The following CFAP61 variants were observed in gnomAD, a reference collection of about 807,000 sequenced individuals.
The protein encoded by CFAP61 is cilia and flagella associated protein 61.
Under a neutral mutation model 135.6 loss-of-function variants are expected in CFAP61, and 107 were observed. That is an observed-to-expected ratio of 0.79 (90% CI 0.67 to 0.93). The LOEUF (loss-of-function observed/expected upper bound fraction) is 0.93. CFAP61 is among the 40% of genes least tolerant of loss of function. CFAP61 has a pLI of 0.00. For synonymous variants in CFAP61, 575 were observed against 578.5 expected (o/e 0.99, Z 0.09); for missense variants, 1,507 against 1,556.2 (o/e 0.97, Z 0.53).
chr20:20,177,569 A>G (rs2054727858), intron 13 of CFAP61, among the ~76,000 whole-genome samples: 1 of 151,638 alleles, frequency 6.6e-6, no homozygotes, highest in Non-Finnish European at 1.5e-5. Flanking sequence ...AAGCCCCCTC[A>G]TTCATCCAGT....
Position 20,098,711 on chromosome 20 carries a change from G to T in CFAP61, c.756G>T (p.Leu252=). ...MSVCSRVNMQ[L]LHECFDLGPF... is the part of the protein sequence containing the mutation. ...TGTGCTCAAGAGTGAACATGCAACT[G>T]CTGCATGAGTGCTTTGACTTGGGCC... Residue 252 remains leucine, a synonymous_variant, in exon 8 of 27, where the codon CTG becomes CTT. Transcript: ENST00000245957. 1 of 1,613,580 alleles carries T rather than the reference G, an allele frequency of 6.2e-7. No individual in the cohort carries two copies. Among genetic ancestry groups the T allele is most frequent in the Non-Finnish European group, 8.5e-7 (1 of 1,179,924 alleles).
At chr20:20,355,908 G>A (rs1276685836) in intron 26 of CFAP61, among the ~76,000 whole-genome samples, 2 of 143,566 alleles carry the variant, frequency 1.4e-5, no homozygotes, top group Admixed American at 1.4e-4. Context: ...AGGGGAGGTG[G>A]TCACACTGAG....
intron 25 of CFAP61, among the ~76,000 whole-genome samples, chr20:20,300,980 T>G (rs1472607740): frequency 6.6e-6 from 1 of 152,098 alleles, no homozygotes; most frequent in Non-Finnish European, 1.5e-5. Context: ...GATTATAAAG[T>G]AAAAAGAGTA....
At chr20:20,179,774 A>C (rs1218542891) in intron 13 of CFAP61, among the ~76,000 whole-genome samples, 1 of 152,190 alleles carries the variant, frequency 6.6e-6, no homozygotes, top group East Asian at 1.9e-4. Context: ...AAAGCAGTGG[A>C]AAAAGGATTC....
intron 20 of CFAP61, among the ~76,000 whole-genome samples, chr20:20,252,645 G>A (rs942616844): frequency 6.6e-6 from 1 of 152,090 alleles, no homozygotes; most frequent in Non-Finnish European, 1.5e-5. Flanking sequence ...GTGTGGCTCA[G>A]GGAAGCCAAA....
chr20:20,166,565 G>T, intron 12 of CFAP61, 129 bp downstream of exon 12: 2 of 686,222 alleles, frequency 2.9e-6, no homozygotes, highest in Non-Finnish European at 5.0e-6. Flanking sequence ...CAAATGGCAT[G>T]TCATGAGCTC....
chr20:20,315,197 T>C (rs986143268), intron 25 of CFAP61, among the ~76,000 whole-genome samples: 18 of 152,156 alleles, frequency 1.2e-4, no homozygotes, highest in Admixed American at 5.2e-4. Flanking sequence ...CTCCAGCACC[T>C]GTTATTTCCT....
chr20:20,304,526 C>A (rs2056337853), intron 25 of CFAP61, among the ~76,000 whole-genome samples: 1 of 151,678 alleles, frequency 6.6e-6, no homozygotes, highest in South Asian at 2.1e-4. Context: ...CACGTGTGCA[C>A]ACACTCATGC....
chr20:20,163,908 C>G (rs1488405107), intron 10 of CFAP61, 142 bp from the exon 11 acceptor site: 10 of 551,860 alleles, frequency 1.8e-5, no homozygotes, highest in Non-Finnish European at 3.0e-5. Context: ...TAAAACCAGG[C>G]CTGGCCCAGG....
intron 10 of CFAP61, among the ~76,000 whole-genome samples, chr20:20,161,703 C>T (rs914862455): frequency 1.3e-5 from 2 of 152,060 alleles, no homozygotes; most frequent in Non-Finnish European, 2.9e-5. Flanking sequence ...TCAGCCACAC[C>T]CCAAGTGAGA....
chr20:20,104,308 T>C (rs2146651203), intron 8 of CFAP61, among the ~76,000 whole-genome samples: 1 of 152,294 alleles, frequency 6.6e-6, no homozygotes, highest in Middle Eastern at 3.4e-3. Context: ...CTTATTTCAA[T>C]TTTATGTCTT....
At chr20:20,114,871 C>T (rs2049032010) in intron 8 of CFAP61, among the ~76,000 whole-genome samples, 1 of 152,108 alleles carries the variant, frequency 6.6e-6, no homozygotes, top group African/African-American at 2.4e-5. Flanking sequence ...TACTCATTAT[C>T]AGGTCAAGGA....
rs1420586584 is a variant in CFAP61, at chr20:20,242,986, A to G, written c.2061-3131A>G. On this transcript the variant is annotated intron_variant, in intron 18 of 26. Coordinates refer to ENST00000245957, the MANE Select transcript of CFAP61 (RefSeq NM_015585.4). ...CCCTGCCTCCAGACTTACTAGCTAT[A>G]TGGTTGTATTAGTCTGTTCTCACGC... 3.3e-5 allele frequency among the ~76,000 whole-genome samples: 5 copies of G among 152,200 alleles called. No individual in the cohort carries two copies. In the East Asian group the frequency reaches 9.6e-4, roughly 29 times the overall value.
chr20:20,218,460 C>G (rs1187818741), intron 17 of CFAP61, among the ~76,000 whole-genome samples: 2 of 152,188 alleles, frequency 1.3e-5, no homozygotes, highest in African/African-American at 4.8e-5. Context: ...TCGGGTATGT[C>G]TTTATCAGCA....
At chr20:20,071,536 T>C (rs1228779704) in intron 3 of CFAP61, among the ~76,000 whole-genome samples, 1 of 152,206 alleles carries the variant, frequency 6.6e-6, no homozygotes, top group African/African-American at 2.4e-5. Flanking sequence ...GGGTACCTGA[T>C]GCCAAGTCTG....
At chr20:20,201,904 C>G (rs1199911914) in intron 17 of CFAP61, among the ~76,000 whole-genome samples, 1 of 152,108 alleles carries the variant, frequency 6.6e-6, no homozygotes, top group African/African-American at 2.4e-5. Context: ...AGGGAGGAGT[C>G]CAGAGCTGCT....
intron 14 of CFAP61, among the ~76,000 whole-genome samples, chr20:20,190,598 A>C (rs868232227): frequency 2.6e-4 from 40 of 152,030 alleles, no homozygotes; most frequent in Middle Eastern, 3.4e-3. Flanking sequence ...ACACACACAC[A>C]CCCCCACAAT....
intron 8 of CFAP61, among the ~76,000 whole-genome samples, chr20:20,103,787 A>G (rs1300611810): frequency 6.6e-6 from 1 of 152,202 alleles, no homozygotes; most frequent in Non-Finnish European, 1.5e-5. Context: ...TCACCCAATA[A>G]ATATTTTGGA....
chr20:20,308,918 GGC>G (rs1424992361), intron 25 of CFAP61, among the ~76,000 whole-genome samples: 1 of 152,122 alleles, frequency 6.6e-6, no homozygotes, highest in Admixed American at 6.5e-5. Flanking sequence ...TTATCTTTAA[GGC>G]TACTAAGCTG....
Sources: gnomAD v4.1 joint callset for allele counts (sites outside exome capture counted in the v4.1 genomes callset) on GRCh38, gnomAD v4.1.1 for gene constraint, MANE v1.5 for transcripts, NCBI Gene and HGNC (gene_info 2026-07-23, HGNC 2026-07-21) for gene names.